Variants in FER observed in about 807,000 individuals in gnomAD.
The protein encoded by FER is tyrosine-protein kinase Fer.
In FER, 63 loss-of-function variants were observed where a neutral mutation model predicts 111.0. The observed-to-expected ratio is 0.57, with a 90% CI of 0.46 to 0.70. The LOEUF is 0.70. FER is among the 30% of genes least tolerant of loss of function. FER has a pLI of 0.00. For missense variants in FER, 914 were observed against 954.0 expected (o/e 0.96, Z 0.55); for synonymous variants, 327 against 313.9 (o/e 1.04, Z -0.44).
chr5:108,911,200 T>C (rs1751499028), intron 10 of FER, among the ~76,000 whole-genome samples: 1 of 152,186 alleles, frequency 6.6e-6, no homozygotes, highest in Admixed American at 6.5e-5. Flanking sequence ...GTGGTTTTAA[T>C]TTGCATTTCT....
At chr5:108,951,573 C>T (rs1010020158) in intron 11 of FER, among the ~76,000 whole-genome samples, 1 of 152,082 alleles carries the variant, frequency 6.6e-6, no homozygotes, top group Non-Finnish European at 1.5e-5. Context: ...ATGTTAATAA[C>T]TAAATTTACA....
chr5:108,952,343 G>A (rs561130032), intron 11 of FER, among the ~76,000 whole-genome samples: 5 of 138,852 alleles, frequency 3.6e-5, no homozygotes, highest in African/African-American at 9.8e-5. Context: ...TTACTGTCAA[G>A]TTTGTAAAAT....
At chr5:108,832,620 A>G (rs561585805) in intron 3 of FER, 150 bp from the exon 4 acceptor site, 4 of 469,608 alleles carry the variant, frequency 8.5e-6, no homozygotes, top group African/African-American at 8.0e-5. Flanking sequence ...TGAACCATTC[A>G]TAGATCTTTG....
chr5:108,795,078 C>T (rs1755860427), intron 2 of FER, among the ~76,000 whole-genome samples: 1 of 152,216 alleles, frequency 6.6e-6, no homozygotes. Flanking sequence ...AAGGCCAGTA[C>T]TTTGGAAGGC....
rs192953371 is a variant in FER at position 109,033,641 on chromosome 5, A to G, written c.1657-3781A>G. Among the ~76,000 whole-genome samples the G allele has an allele frequency of 3.3e-5, 5 of 152,224 alleles. No homozygotes were observed. In the East Asian group the frequency reaches 9.7e-4, roughly 29 times the overall value. ...GCCACTTAGCAGCCTTCTTAGGAAT[A>G]TTCCATTTAATACCTAAGGGGGAGA... On this transcript the variant is annotated intron_variant, in intron 13 of 19. Transcript: ENST00000281092.
intron 5 of FER, among the ~76,000 whole-genome samples, chr5:108,864,680 T>G (rs1020290601): frequency 6.6e-6 from 1 of 152,184 alleles, no homozygotes; most frequent in African/African-American, 2.4e-5. Context: ...ATATGCGGCA[T>G]TATTTCTAAG....
At chr5:109,041,127 G>C (rs1444218259) in intron 14 of FER, among the ~76,000 whole-genome samples, 6 of 152,090 alleles carry the variant, frequency 3.9e-5, no homozygotes, top group African/African-American at 1.2e-4. Flanking sequence ...AGCATTAAGG[G>C]CCCCCTAAGG....
rs1425912292 is a variant in FER at position 109,196,778 on chromosome 5, A to C, written c.*9203A>C. 1 of 152,068 alleles carries C rather than the reference A, an allele frequency of 6.6e-6. No individual in the cohort carries two copies. The highest frequency in any genetic ancestry group is 1.9e-4 in the East Asian group (1 of 5,188). 9.4% of individuals were successfully genotyped at this position (152,068 alleles called of 1,614,324 possible). A position where few individuals can be genotyped will look rare whatever the true frequency, so the allele number is the denominator to read the frequency against. On this transcript the variant is annotated 3_prime_UTR_variant, in exon 20 of 20. Coordinates refer to ENST00000281092, the MANE Select transcript of FER (RefSeq NM_005246.4). ...TTTCTTTTCCAATAGACCAGTTACC[A>C]CTCATGTGTCTGCAGAACCTCTTTA... is the stretch of plus-strand genomic sequence containing the variant.
chr5:108,754,840 C>T (rs1750903637), intron 1 of FER, among the ~76,000 whole-genome samples: 1 of 152,184 alleles, frequency 6.6e-6, no homozygotes, highest in Non-Finnish European at 1.5e-5. Flanking sequence ...TGTAAAAATG[C>T]TCTTTACATT....
At chr5:108,873,505 G>A (rs79524055) in intron 8 of FER, among the ~76,000 whole-genome samples, 34,305 of 152,056 alleles carry the variant, frequency 0.23, 4,065 homozygotes, top group African/African-American at 0.28. Flanking sequence ...ATATTTGTCC[G>A]CAAATCATGT....
At chr5:109,072,747 G>T (rs1775915017) in intron 16 of FER, among the ~76,000 whole-genome samples, 1 of 152,006 alleles carries the variant, frequency 6.6e-6, no homozygotes, top group Non-Finnish European at 1.5e-5. Flanking sequence ...CACAAACTAT[G>T]TGATTTAAAA....
At chr5:108,866,448 A>C (rs756830518) in intron 5 of FER, among the ~76,000 whole-genome samples, 2 of 152,092 alleles carry the variant, frequency 1.3e-5, no homozygotes, top group Non-Finnish European at 2.9e-5. Flanking sequence ...GATGGGGGGA[A>C]GGGGGAGTGA....
intron 5 of FER, among the ~76,000 whole-genome samples, chr5:108,855,944 A>ATT (rs35155732): frequency 7.0e-6 from 1 of 143,650 alleles, no homozygotes. Flanking sequence ...TAAAGGGAGG[A>ATT]TTTTTTTTTT....
intron 2 of FER, among the ~76,000 whole-genome samples, chr5:108,793,605 T>G (rs1400870713): frequency 2.0e-5 from 3 of 151,004 alleles, no homozygotes; most frequent in African/African-American, 7.3e-5. Context: ...CTCCAAACTG[T>G]TCTCCATAGT....
Position 108,779,702 on chromosome 5 carries a change from A to C in FER, c.-60+11464A>C, listed in dbSNP as rs1753846008. On this transcript the variant is annotated intron_variant, in intron 2 of 19. Coordinates refer to ENST00000281092, the MANE Select transcript of FER (RefSeq NM_005246.4). ...GAGTTCGTTGGGTCAATTCTTTCAG[A>C]TTTTCTACACAGTCAATCTTGTCAT... is the stretch of plus-strand genomic sequence containing the variant. 2.0e-5 allele frequency among the ~76,000 whole-genome samples: 3 copies of C among 152,106 alleles called. No individual in the cohort carries two copies. The South Asian group carries it at 6.2e-4, about 31-fold the overall frequency.
chr5:108,883,560 G>A (rs1765885877), intron 9 of FER, 42 bp downstream of exon 9: 1 of 1,497,512 alleles, frequency 6.7e-7, no homozygotes, highest in Non-Finnish European at 9.0e-7. Flanking sequence ...ATGTTTAATT[G>A]TAATTTTACA....
chr5:108,794,980 C>A (rs1019576716), intron 2 of FER, among the ~76,000 whole-genome samples: 1 of 152,176 alleles, frequency 6.6e-6, no homozygotes, highest in Non-Finnish European at 1.5e-5. Context: ...CTTTCTACCC[C>A]TATCTCTTTC....
intron 16 of FER, among the ~76,000 whole-genome samples, chr5:109,057,570 C>CCTTG (rs1276371656): frequency 1.3e-5 from 2 of 152,136 alleles, no homozygotes; most frequent in Non-Finnish European, 2.9e-5. Context: ...CTCACTGTAG[C>CCTTG]CTTGCTCCTG....
chr5:108,781,666 C>T (rs1754092565), intron 2 of FER, among the ~76,000 whole-genome samples: 2 of 152,116 alleles, frequency 1.3e-5, no homozygotes, highest in African/African-American at 2.4e-5. Context: ...TAATGAGTCT[C>T]TGTGTCTCTG....
Sources: gnomAD v4.1 joint callset for allele counts (sites outside exome capture counted in the v4.1 genomes callset) on GRCh38, gnomAD v4.1.1 for gene constraint, MANE v1.5 for transcripts, NCBI Gene and HGNC (gene_info 2026-07-23, HGNC 2026-07-21) for gene names.